CAMTA1: variants seen among roughly 807,000 people sequenced by gnomAD.
CAMTA1 encodes calmodulin-binding transcription activator 1.
Under a neutral mutation model 170.9 loss-of-function variants are expected in CAMTA1, and 27 were observed. The ratio of observed to expected loss-of-function variants is 0.16; its 90% CI spans 0.12 to 0.22. The LOEUF is 0.22. Among genes scored for constraint, CAMTA1 ranks in the 10% least tolerant of loss-of-function variants. The probability of loss-of-function intolerance (pLI) is 1.00; values close to 1 mark genes in which losing one functional copy is unlikely to be tolerated. For missense variants in CAMTA1, 1,619 were observed against 2,217.2 expected (o/e 0.73, Z 5.42); for synonymous variants, 833 against 891.5 (o/e 0.93, Z 1.17).
intron 4 of CAMTA1, among the ~76,000 whole-genome samples, chr1:7,207,083 G>C (rs1185755357): frequency 1.3e-5 from 2 of 152,162 alleles, no homozygotes; most frequent in East Asian, 3.8e-4. Context: ...TCTGGCCCTG[G>C]TACTGGCCTC....
At chr1:7,688,220 G>A (rs191701942) in intron 11 of CAMTA1, among the ~76,000 whole-genome samples, 28 of 152,116 alleles carry the variant, frequency 1.8e-4, no homozygotes, top group Non-Finnish European at 3.5e-4. Context: ...GGCCAGGCTG[G>A]TCTCGAACTC....
chr1:7,484,999 G>A (rs1023432541), intron 6 of CAMTA1, among the ~76,000 whole-genome samples: 2 of 152,018 alleles, frequency 1.3e-5, no homozygotes, highest in Admixed American at 1.3e-4. Context: ...GCCAAGCACC[G>A]GCCCACGCTC....
chr1:7,661,432 C>T (rs965895264), intron 7 of CAMTA1, among the ~76,000 whole-genome samples: 25 of 152,198 alleles, frequency 1.6e-4, no homozygotes, highest in Admixed American at 3.3e-4. Context: ...CCGCCTCGTG[C>T]ACTCTGACTT....
rs367810857 is a variant in CAMTA1, at chr1:7,751,345, A to G, written c.4836A>G (p.Lys1612=). The G allele has an allele frequency of 6.2e-7, 1 of 1,610,958 alleles. No homozygotes were observed. The highest frequency in any genetic ancestry group is 1.3e-5 in the African/African-American group (1 of 74,758). ...KYYRSYKKCG[K]RRQARRTAVI... ...ACCGAAGTTATAAGAAATGTGGCAA[A>G]AGACGGCAGGCTCGCCGGACGGCTG... The change falls in exon 20 of 23, where the codon AAA becomes AAG. Residue 1612 remains lysine, a synonymous_variant. Transcript: ENST00000303635.
intron 3 of CAMTA1, among the ~76,000 whole-genome samples, chr1:6,998,962 T>G (rs918760534): frequency 3.3e-5 from 5 of 152,248 alleles, no homozygotes; most frequent in African/African-American, 1.2e-4. Context: ...CTTTTTTTAG[T>G]GCACAGTTCA....
At chr1:7,470,788 A>G (rs4908640) in intron 6 of CAMTA1, among the ~76,000 whole-genome samples, 13,282 of 152,286 alleles carry the variant, frequency 0.087, 725 homozygotes, top group Admixed American at 0.18. Flanking sequence ...CTGCCGGCCC[A>G]CTGTGAACTC....
At chr1:7,411,406 A>G (rs1206860657) in intron 5 of CAMTA1, among the ~76,000 whole-genome samples, 1 of 152,096 alleles carries the variant, frequency 6.6e-6, no homozygotes, top group African/African-American at 2.4e-5. Flanking sequence ...GGGCGTGGTG[A>G]CACGGCCCTG....
At chr1:7,485,314 T>G (rs1329373946) in intron 6 of CAMTA1, among the ~76,000 whole-genome samples, 3 of 152,072 alleles carry the variant, frequency 2.0e-5, no homozygotes, top group Non-Finnish European at 2.9e-5. Context: ...TCCCACTGCC[T>G]TAGGGGAGAC....
chr1:6,857,555 G>A (rs1486991526), intron 3 of CAMTA1, among the ~76,000 whole-genome samples: 2 of 152,196 alleles, frequency 1.3e-5, no homozygotes, highest in African/African-American at 2.4e-5. Flanking sequence ...CCAGAAAGTA[G>A]CAGGCAAGGT....
intron 6 of CAMTA1, among the ~76,000 whole-genome samples, chr1:7,573,755 G>A (rs1026033712): frequency 2.0e-5 from 3 of 152,038 alleles, no homozygotes; most frequent in East Asian, 1.9e-4. Context: ...TGACATCATC[G>A]TTTTTTGGGT....
intron 5 of CAMTA1, among the ~76,000 whole-genome samples, chr1:7,296,488 G>A (rs906625712): frequency 6.6e-6 from 1 of 152,128 alleles, no homozygotes; most frequent in African/African-American, 2.4e-5. Context: ...GGAAGAAGTG[G>A]GTTGACTGGG....
intron 5 of CAMTA1, among the ~76,000 whole-genome samples, chr1:7,305,865 A>G (rs1445957602): frequency 2.6e-5 from 4 of 151,992 alleles, no homozygotes; most frequent in Non-Finnish European, 5.9e-5. Flanking sequence ...ATAGGCGTGT[A>G]CTGGTATCTC....
intron 6 of CAMTA1, among the ~76,000 whole-genome samples, chr1:7,545,230 T>G (rs1358094069): frequency 6.6e-6 from 1 of 152,216 alleles, no homozygotes; most frequent in Non-Finnish European, 1.5e-5. Context: ...GGGAGTACAA[T>G]TCAAAGAAAC....
At position 7,692,114 on chromosome 1, in the gene CAMTA1, T is replaced by C. The variant is rs111907449; in HGVS notation, c.2914+14381T>C. Among the ~76,000 whole-genome samples, 1,036 of 152,172 alleles carry C rather than the reference T, an allele frequency of 6.8e-3. 9 individuals carry two copies. The highest frequency in any genetic ancestry group is 0.024 in the African/African-American group (988 of 41,508). ...TCTCTGACATCAGAACCAGGCTGGGTAGGGTGTCCAGGACTAACCAGGCAG... is the reference window on the plus strand; with the variant it reads ...TCTCTGACATCAGAACCAGGCTGGGCAGGGTGTCCAGGACTAACCAGGCAG... On this transcript the variant is annotated intron_variant, in intron 11 of 22. Transcript: ENST00000303635.
At chr1:7,343,483 A>G (rs1269235892) in intron 5 of CAMTA1, among the ~76,000 whole-genome samples, 1 of 152,192 alleles carries the variant, frequency 6.6e-6, no homozygotes, top group Non-Finnish European at 1.5e-5. Context: ...AATTAGATGA[A>G]TTATAATCTT....
At position 6,908,118 on chromosome 1, in the gene CAMTA1, CCTT is replaced by C. The variant is rs376894305; in HGVS notation, c.234+82912_234+82914del. 2.6e-5 allele frequency among the ~76,000 whole-genome samples: 4 copies of C among 152,340 alleles called. No homozygotes were observed. In the East Asian group the frequency reaches 5.8e-4, roughly 22 times the overall value. ...GTGCCCACCCTGTGACTTGAGAACC[CCTT>C]CTTTGCTCGTCACCCTTTATGAAGA... On this transcript the variant is annotated intron_variant, in intron 3 of 22. Coordinates refer to ENST00000303635, the MANE Select transcript of CAMTA1 (RefSeq NM_015215.4).
chr1:7,236,368 A>G (rs1663860528), intron 4 of CAMTA1, among the ~76,000 whole-genome samples: 1 of 152,200 alleles, frequency 6.6e-6, no homozygotes, highest in African/African-American at 2.4e-5. Flanking sequence ...AAGAACTACA[A>G]TTTAAATCAG....
At chr1:7,461,751 G>C (rs190675228) in intron 5 of CAMTA1, among the ~76,000 whole-genome samples, 256 of 152,342 alleles carry the variant, frequency 1.7e-3, no homozygotes, top group Middle Eastern at 3.4e-3. Flanking sequence ...CCCTAGAAAA[G>C]GTCTTCATGG....
intron 3 of CAMTA1, among the ~76,000 whole-genome samples, chr1:6,939,330 T>C (rs1686008846): frequency 1.3e-5 from 2 of 152,232 alleles, no homozygotes; most frequent in Non-Finnish European, 2.9e-5. Flanking sequence ...CAAAACCACA[T>C]ACTATGCAGA....
Sources: allele counts gnomAD v4.1 joint callset (sites outside exome capture counted in the v4.1 genomes callset), GRCh38; gene constraint gnomAD v4.1.1; transcripts MANE v1.5; gene names NCBI Gene and HGNC (gene_info 2026-07-23, HGNC 2026-07-21).